Variants in ZNF398 observed in about 807,000 individuals in gnomAD.
ZNF398 encodes the protein zinc finger protein 398.
ZNF398 carries 18 observed loss-of-function variants against 41.9 expected under a neutral mutation model. The ratio of observed to expected loss-of-function variants is 0.43; its 90% confidence interval spans 0.30 to 0.64. The LOEUF (loss-of-function observed/expected upper bound fraction) is 0.64. ZNF398 is among the 30% of genes least tolerant of loss of function. The probability of loss-of-function intolerance (pLI) is 0.14; values close to 1 mark genes in which losing one functional copy is unlikely to be tolerated. For synonymous variants in ZNF398, 260 were observed against 308.8 expected, an observed-to-expected ratio of 0.84 and a Z score of 1.66; for missense variants, 669 against 822.8, an observed-to-expected ratio of 0.81 and a Z score of 2.29.
intron 2 of ZNF398, among the ~76,000 whole-genome samples, chr7:149,164,661 C>T (rs890116493): frequency 6.6e-6 from 1 of 152,152 alleles, no homozygotes; most frequent in Non-Finnish European, 1.5e-5. Context: ...ATATGTAAGG[C>T]ACCAGATGCC....
At chr7:149,138,484 G>A (rs893049857) in intron 2 of ZNF398, among the ~76,000 whole-genome samples, 7 of 152,106 alleles carry the variant, frequency 4.6e-5, no homozygotes, top group Non-Finnish European at 8.8e-5. Flanking sequence ...GGAAGCTAAG[G>A]CAGGAGAATC....
chr7:149,129,216 C>T (rs1192665580), intron 2 of ZNF398, among the ~76,000 whole-genome samples: 1 of 151,860 alleles, frequency 6.6e-6, no homozygotes, highest in Non-Finnish European at 1.5e-5. Context: ...GGAAACTAAG[C>T]GGTTATATAG....
intron 2 of ZNF398, among the ~76,000 whole-genome samples, chr7:149,132,562 G>A (rs1826619857): frequency 6.6e-6 from 1 of 152,068 alleles, no homozygotes; most frequent in African/African-American, 2.4e-5. Flanking sequence ...TCAGTGGAGT[G>A]CACCGGATTT....
At position 149,154,983 on chromosome 7, in the gene ZNF398, C is replaced by G. The variant is rs560635601; in HGVS notation, c.420+643C>G. ...CAGGCTGGGCAACAAGAGCAAAACT[C>G]CTTCTAAAAAAAAAAAAAAAAGGCC... On this transcript the variant is annotated intron_variant, in intron 2 of 5. Coordinates refer to ENST00000475153, the MANE Select transcript of ZNF398 (RefSeq NM_170686.3). Among the ~76,000 whole-genome samples the G allele has an allele frequency of 2.0e-3, 226 of 113,738 alleles. 1 individual carries two copies. Among genetic ancestry groups the G allele is most frequent in the African/African-American group, 5.7e-3 (198 of 34,844 alleles). 74.6% of individuals were successfully genotyped at this position (113,738 alleles called of 152,430 possible).
upstream of ZNF398, chr7:149,147,329 G>A (rs1025319055): frequency 6.6e-6 from 1 of 152,544 alleles, no homozygotes; most frequent in African/African-American, 2.5e-5. The surrounding 1 kb of genome is among the most constrained non-coding windows in gnomAD (Gnocchi z 5.6). Flanking sequence ...AAGCCCAAGA[G>A]CTGGGGGGGA....
intron 2 of ZNF398, among the ~76,000 whole-genome samples, chr7:149,134,479 C>G (rs922520181): frequency 2.0e-5 from 3 of 151,916 alleles, no homozygotes; most frequent in Non-Finnish European, 4.4e-5. Flanking sequence ...CCTCCACCCT[C>G]TGGGCTCAAG....
At chr7:149,156,176 A>G (rs1204039772) in intron 2 of ZNF398, among the ~76,000 whole-genome samples, 1 of 152,088 alleles carries the variant, frequency 6.6e-6, no homozygotes, top group Admixed American at 6.6e-5. Flanking sequence ...AAGTGGACAG[A>G]TGCAGGATGT....
At chr7:149,139,010 CAGCAAT>C (rs1826768963) in intron 2 of ZNF398, among the ~76,000 whole-genome samples, 1 of 150,916 alleles carries the variant, frequency 6.6e-6, no homozygotes, top group East Asian at 1.9e-4. Flanking sequence ...TCCCAGGTTC[CAGCAAT>C]TCTCCTGCCT....
intron 1 of ZNF398, among the ~76,000 whole-genome samples, chr7:149,152,362 G>A (rs991634325): frequency 1.2e-4 from 18 of 148,274 alleles, no homozygotes; most frequent in African/African-American, 4.0e-4. Flanking sequence ...CTGGGTTCAC[G>A]CCATTCTGCT....
intron 1 of ZNF398, among the ~76,000 whole-genome samples, chr7:149,149,607 G>T (rs1277200396): frequency 6.6e-6 from 1 of 152,134 alleles, no homozygotes; most frequent in Non-Finnish European, 1.5e-5. Context: ...GGAGGCTGCC[G>T]TGGGAAGACA....
intron 2 of ZNF398, among the ~76,000 whole-genome samples, chr7:149,160,066 A>G (rs1795073219): frequency 2.3e-5 from 1 of 43,444 alleles, no homozygotes; most frequent in Admixed American, 2.6e-4. Context: ...TGTAATGATA[A>G]AAGGAGGATA....
In ZNF398 at chr7:149,176,540, C is replaced by T. The variant is rs770149318; in HGVS notation, c.734C>T (p.Pro245Leu). The T allele has an allele frequency of 1.2e-5, 19 of 1,612,450 alleles. No homozygotes were observed. Among genetic ancestry groups the T allele is most frequent in the Admixed American group, 1.7e-5 (1 of 59,566 alleles). ...GAAGAGCCTCAGGTTGGGGCCCCACCGGAGTCCAAGGAGAGTGACGTGTAC... is the reference window on the plus strand; with the variant it reads ...GAAGAGCCTCAGGTTGGGGCCCCACTGGAGTCCAAGGAGAGTGACGTGTAC... ...QEEEPQVGAP[P>L]ESKESDVYKS... Residue 245 changes from proline (P) to leucine (L), a missense_variant, in exon 5 of 6, where the codon CCG becomes CTG. Physicochemically the swap from Pro to Leu is moderately conservative, Grantham distance 98 (BLOSUM62 -3). Coordinates refer to ENST00000475153, the MANE Select transcript of ZNF398 (RefSeq NM_170686.3).
chr7:149,150,703 G>A (rs1003028128), intron 1 of ZNF398, among the ~76,000 whole-genome samples: 6 of 97,308 alleles, frequency 6.2e-5, no homozygotes, highest in Non-Finnish European at 6.4e-5. Flanking sequence ...CCCGCCTCCC[G>A]CGCCCCCCCG....
At chr7:149,172,160 A>C (rs931334278) in intron 4 of ZNF398, among the ~76,000 whole-genome samples, 1 of 152,220 alleles carries the variant, frequency 6.6e-6, no homozygotes, top group African/African-American at 2.4e-5. Context: ...TAGAGACTAC[A>C]TACAGTAGTC....
Position 149,153,957 on chromosome 7 carries a change from G to A in ZNF398, c.37G>A (p.Asp13Asn). Residue 13 changes from aspartate (D) to asparagine (N), a missense_variant, in exon 2 of 6, where the codon GAC becomes AAC. By Grantham distance (23) the Asp-to-Asn change is conservative. Transcript: ENST00000475153. ...CCACTGCATGCAGACATCTGAATGGGACTCCGAGTGCCTTACATCCCTGCA... is the reference window on the plus strand; with the variant it reads ...CCACTGCATGCAGACATCTGAATGGAACTCCGAGTGCCTTACATCCCTGCA... ...EAAPAPTSEW[D>N]SECLTSLQPL... 6.2e-7 allele frequency: 1 copy of A among 1,610,910 alleles called. No homozygotes were observed. Among genetic ancestry groups the A allele is most frequent in the Non-Finnish European group, 8.5e-7 (1 of 1,178,504 alleles).
intron 5 of ZNF398, among the ~76,000 whole-genome samples, chr7:149,177,175 A>T (rs1390524018): frequency 1.3e-5 from 2 of 152,140 alleles, no homozygotes; most frequent in Non-Finnish European, 2.9e-5. Context: ...AACACAAATG[A>T]AACATAAGAT....
At chr7:149,170,252 C>T (rs576319604) in intron 4 of ZNF398, among the ~76,000 whole-genome samples, 16 of 152,272 alleles carry the variant, frequency 1.1e-4, no homozygotes, top group Non-Finnish European at 1.9e-4. Flanking sequence ...GACATCACAG[C>T]GTGAACTCAC....
At chr7:149,155,730 A>ATTTTTT (rs148643688) in intron 2 of ZNF398, among the ~76,000 whole-genome samples, 26 of 92,392 alleles carry the variant, frequency 2.8e-4, no homozygotes, top group South Asian at 3.9e-4. Context: ...TTTTTTTTTT[A>ATTTTTT]ATTTTTTTTT....
chr7:149,156,509 A>C (rs1359073815), intron 2 of ZNF398, among the ~76,000 whole-genome samples: 2 of 147,146 alleles, frequency 1.4e-5, no homozygotes, highest in African/African-American at 5.2e-5. Flanking sequence ...CATCTCAAAA[A>C]AAAAAAAAAA....
Sources: allele counts gnomAD v4.1 joint callset (sites outside exome capture counted in the v4.1 genomes callset), GRCh38; gene constraint gnomAD v4.1.1; non-coding constraint Gnocchi (gnomAD v3.1); transcripts MANE v1.5; gene names NCBI Gene and HGNC (gene_info 2026-07-23, HGNC 2026-07-21).